EVL: variants seen among roughly 807,000 people sequenced by gnomAD.
EVL encodes Enah/Vasp-like.
A neutral mutation model predicts 59.6 loss-of-function variants in EVL; 21 were observed. The ratio of observed to expected loss-of-function variants is 0.35; its 90% confidence interval spans 0.25 to 0.51. The LOEUF (loss-of-function observed/expected upper bound fraction) is 0.51. Ranked by LOEUF, EVL falls within the 20% of genes least tolerant of loss-of-function variation. The pLI is 0.97. For missense variants in EVL, 462 were observed against 546.6 expected, an observed-to-expected ratio of 0.85 and a Z score of 1.54; for synonymous variants, 198 against 203.5, an observed-to-expected ratio of 0.97 and a Z score of 0.23.
rs558567862 is a variant in EVL at position 100,067,404 on chromosome 14, T to C, written c.11+1893T>C. Among the ~76,000 whole-genome samples, 3 of 152,316 alleles carry C rather than the reference T, an allele frequency of 2.0e-5. No individual in the cohort carries two copies. The South Asian group carries it at 6.2e-4, about 32-fold the overall frequency. On this transcript the variant is annotated intron_variant, in intron 1 of 13. Coordinates refer to ENST00000392920, the MANE Select transcript of EVL (RefSeq NM_016337.3). ...CTGGATTAGGAGCTGGGAATTCTCT[T>C]GAGTGCATGACAACGTACAGAATGC...
chr14:100,137,444 A>G (rs2140401976), intron 9 of EVL, 134 bp from the exon 10 acceptor site: 1 of 924,476 alleles, frequency 1.1e-6, no homozygotes, highest in Non-Finnish European at 1.7e-6. Context: ...GGCTTAACTC[A>G]ATCAGACCTT....
chr14:100,061,578 C>T (rs578107608), upstream of EVL, among the ~76,000 whole-genome samples: 2 of 151,544 alleles, frequency 1.3e-5, no homozygotes, highest in African/African-American at 4.8e-5. Flanking sequence ...TCAATACACG[C>T]ACACACGCAC....
chr14:100,081,513 CAAAAAA>C (rs34871876), intron 1 of EVL, among the ~76,000 whole-genome samples: 1 of 122,422 alleles, frequency 8.2e-6, no homozygotes, highest in Admixed American at 8.3e-5. Flanking sequence ...TTAACAACAG[CAAAAAA>C]AAAAAAAAAA....
chr14:100,060,347 C>G (rs1254061960), intron 1 of EVL, among the ~76,000 whole-genome samples: 1 of 149,830 alleles, frequency 6.7e-6, no homozygotes, highest in Non-Finnish European at 1.5e-5. Flanking sequence ...AGGAGAATGG[C>G]GTGAACCCGG....
chr14:100,024,670 G>T (rs1207618631), intron 1 of EVL, among the ~76,000 whole-genome samples: 1 of 152,048 alleles, frequency 6.6e-6, no homozygotes, highest in Non-Finnish European at 1.5e-5. Context: ...GGATTGCCCT[G>T]CCCCCAGGCA....
At chr14:99,977,454 AG>A (rs1366859061) in intron 1 of EVL, 1 of 152,122 alleles carries the variant, frequency 6.6e-6, no homozygotes, top group African/African-American at 2.4e-5. Flanking sequence ...GCTGGAGCAC[AG>A]TGGTGCGATC....
intron 1 of EVL, among the ~76,000 whole-genome samples, chr14:100,042,050 C>T (rs915678997): frequency 1.3e-5 from 2 of 152,006 alleles, no homozygotes; most frequent in South Asian, 4.1e-4. Context: ...AAGAATGGAT[C>T]ATATTAATTT....
chr14:100,022,204 G>A (rs1036075256), intron 1 of EVL, among the ~76,000 whole-genome samples: 2 of 151,964 alleles, frequency 1.3e-5, no homozygotes, highest in African/African-American at 4.8e-5. Context: ...CGTGCCTGTA[G>A]GCCTCGTTTG....
At chr14:100,122,008 C>T (rs991922118) in intron 3 of EVL, among the ~76,000 whole-genome samples, 5 of 152,210 alleles carry the variant, frequency 3.3e-5, no homozygotes, top group African/African-American at 1.2e-4. Flanking sequence ...TAGAACAAGG[C>T]AGATGTCCAG....
chr14:100,018,867 T>C (rs1454218694), intron 1 of EVL, among the ~76,000 whole-genome samples: 1 of 152,224 alleles, frequency 6.6e-6, no homozygotes, highest in Admixed American at 6.5e-5. Flanking sequence ...CATTTTTCTT[T>C]TGGGGGCTGG....
intron 13 of EVL, among the ~76,000 whole-genome samples, chr14:100,142,480 A>C (rs1232895862): frequency 6.6e-6 from 1 of 152,258 alleles, no homozygotes; most frequent in Non-Finnish European, 1.5e-5. Context: ...CAGCACAGCC[A>C]GTGCCAGCTC....
chr14:100,014,849 T>A (rs1034097681), intron 1 of EVL, among the ~76,000 whole-genome samples: 3 of 152,120 alleles, frequency 2.0e-5, no homozygotes, highest in African/African-American at 7.2e-5. Flanking sequence ...ACTGTTGAAT[T>A]CCTCTTATTA....
chr14:100,072,874 C>G (rs2140281957), intron 1 of EVL, among the ~76,000 whole-genome samples: 1 of 152,294 alleles, frequency 6.6e-6, no homozygotes, highest in South Asian at 2.1e-4. Flanking sequence ...CCAGGTGGAG[C>G]AGAAGAGCCT....
At chr14:100,039,062 A>G (rs1005213498) in intron 1 of EVL, among the ~76,000 whole-genome samples, 4 of 152,236 alleles carry the variant, frequency 2.6e-5, no homozygotes, top group Non-Finnish European at 5.9e-5. Flanking sequence ...AACTGAAGGG[A>G]AAAAGGACAG....
At chr14:100,050,124 C>A (rs914760380) in intron 1 of EVL, among the ~76,000 whole-genome samples, 1 of 152,150 alleles carries the variant, frequency 6.6e-6, no homozygotes, top group Admixed American at 6.5e-5. Context: ...CCAACAACTC[C>A]CACCCCGTAA....
chr14:100,068,639 A>G (rs2061987062), intron 1 of EVL, among the ~76,000 whole-genome samples: 1 of 152,184 alleles, frequency 6.6e-6, no homozygotes. Context: ...CACCAGATTC[A>G]GGAAGTGCCG....
chr14:99,998,808 C>A (rs1298140049), intron 1 of EVL, among the ~76,000 whole-genome samples: 1 of 151,914 alleles, frequency 6.6e-6, no homozygotes, highest in Non-Finnish European at 1.5e-5. Context: ...CACAAAAAAC[C>A]CTCCAAGATA....
intron 3 of EVL, chr14:100,106,694 G>A (rs1230283642): frequency 1.5e-5 from 6 of 397,480 alleles, no homozygotes; most frequent in Non-Finnish European, 2.7e-5. Context: ...AATAAAAAGA[G>A]GACCATCGGG....
At chr14:100,141,066 G>A in intron 11 of EVL, 114 bp from the exon 12 acceptor site, 1 of 957,918 alleles carries the variant, frequency 1.0e-6, no homozygotes, top group Admixed American at 2.5e-5. Context: ...GAAGCAAGCA[G>A]CCTCTATGGA....
Sources: allele counts gnomAD v4.1 joint callset (sites outside exome capture counted in the v4.1 genomes callset), GRCh38; gene constraint gnomAD v4.1.1; transcripts MANE v1.5; gene names NCBI Gene and HGNC (gene_info 2026-07-23, HGNC 2026-07-21).